The following MECOM variants were observed in gnomAD, a reference collection of about 807,000 sequenced individuals.
The protein encoded by MECOM is MDS1 and EVI1 complex locus.
A neutral mutation model predicts 116.3 loss-of-function variants in MECOM; 13 were observed. The ratio of observed to expected loss-of-function variants is 0.11; its 90% CI spans 0.07 to 0.18. MECOM has a LOEUF of 0.18. MECOM is among the 10% of genes least tolerant of loss of function. The pLI is 1.00. For synonymous variants in MECOM, 528 were observed against 535.2 expected (o/e 0.99, Z 0.19); for missense variants, 1,299 against 1,509.0 (o/e 0.86, Z 2.31).
chr3:169,246,853 A>T (rs751518516), intron 2 of MECOM, among the ~76,000 whole-genome samples: 4 of 152,040 alleles, frequency 2.6e-5, no homozygotes, highest in Non-Finnish European at 4.4e-5. Flanking sequence ...CTCTCCTCTC[A>T]TGTATTTGTT....
chr3:169,261,573 C>A (rs1200968334), intron 2 of MECOM, among the ~76,000 whole-genome samples: 2 of 152,024 alleles, frequency 1.3e-5, no homozygotes, highest in Non-Finnish European at 2.9e-5. Context: ...TGGTGGCGGG[C>A]ACCTGTAATC....
intron 2 of MECOM, among the ~76,000 whole-genome samples, chr3:169,227,901 G>A (rs1752934396): frequency 6.6e-6 from 1 of 152,138 alleles, no homozygotes; most frequent in African/African-American, 2.4e-5. Flanking sequence ...CAAAGGGTGG[G>A]TATGGAGCAG....
At chr3:169,418,546 C>T (rs538382860) in intron 1 of MECOM, among the ~76,000 whole-genome samples, 1 of 152,180 alleles carries the variant, frequency 6.6e-6, no homozygotes, top group Non-Finnish European at 1.5e-5. Context: ...AGCTTATCCA[C>T]TATGATCAAG....
At chr3:169,205,629 G>T (rs1199588605) in intron 2 of MECOM, among the ~76,000 whole-genome samples, 1 of 152,056 alleles carries the variant, frequency 6.6e-6, no homozygotes, top group Non-Finnish European at 1.5e-5. Context: ...CAGGACCAAG[G>T]GTATCAGCGG....
intron 1 of MECOM, among the ~76,000 whole-genome samples, chr3:169,644,360 G>C (rs370337881): frequency 6.6e-6 from 1 of 151,964 alleles, no homozygotes; most frequent in Non-Finnish European, 1.5e-5. Context: ...GGATTCAAGC[G>C]ATTCTCTTTC....
At chr3:169,624,503 C>T (rs1771114610) in intron 1 of MECOM, among the ~76,000 whole-genome samples, 1 of 152,194 alleles carries the variant, frequency 6.6e-6, no homozygotes, top group Admixed American at 6.5e-5. Flanking sequence ...ACAGCAACAC[C>T]ACCAAGTGGG....
rs1776620261 is a variant in MECOM, at chr3:169,663,536, CTCCT to C, written c.-168_-165del. 1.6e-6 allele frequency: 1 copy of C among 608,208 alleles called. No individual in the cohort carries two copies. The highest frequency in any genetic ancestry group is 2.9e-6 in the Non-Finnish European group (1 of 349,810). The allele number at this position is 608,208 out of a possible 1,614,324, so 37.7% of individuals were successfully genotyped here. A position where few individuals can be genotyped will look rare whatever the true frequency, so the allele number is the denominator to read the frequency against. ...TCTCTCTCTCTCTCTCTCTCCCTCC[CTCCT>C]GTTTCTCTCCTGTTTCTCTCTCTCT... On this transcript the variant is annotated 5_prime_UTR_variant, in exon 1 of 17. Transcript: ENST00000651503.
chr3:169,651,063 G>C (rs1774842488), intron 1 of MECOM, among the ~76,000 whole-genome samples: 1 of 152,188 alleles, frequency 6.6e-6, no homozygotes, highest in Non-Finnish European at 1.5e-5. Context: ...AGTGGTGAGA[G>C]TGGGCATCAT....
intron 2 of MECOM, among the ~76,000 whole-genome samples, chr3:169,336,968 T>C (rs1365983132): frequency 6.6e-6 from 1 of 152,178 alleles, no homozygotes; most frequent in Non-Finnish European, 1.5e-5. Context: ...CAATGCAAGA[T>C]ACTCTGCAAG....
chr3:169,154,352 A>C (rs2149332758), intron 2 of MECOM, among the ~76,000 whole-genome samples: 1 of 152,310 alleles, frequency 6.6e-6, no homozygotes, highest in Non-Finnish European at 1.5e-5. Context: ...AATTGGGTCT[A>C]TCTTTTTTGC....
chr3:169,146,125 C>G, intron 2 of MECOM: 2 of 592,534 alleles, frequency 3.4e-6, no homozygotes, highest in Non-Finnish European at 4.5e-6. Context: ...TAAAAGCTGT[C>G]AACCTCCAAA....
At chr3:169,359,558 T>G (rs1186251381) in intron 2 of MECOM, among the ~76,000 whole-genome samples, 1 of 151,780 alleles carries the variant, frequency 6.6e-6, no homozygotes, top group Non-Finnish European at 1.5e-5. Flanking sequence ...ACTCATGATT[T>G]TCATCAAGTG....
intron 2 of MECOM, among the ~76,000 whole-genome samples, chr3:169,297,632 TA>T (rs1258221278): frequency 2.6e-5 from 4 of 151,184 alleles, no homozygotes; most frequent in Non-Finnish European, 5.9e-5. Context: ...TGGTAATTAT[TA>T]AAAAAATATT....
chr3:169,638,549 T>G (rs1773089551), intron 1 of MECOM, among the ~76,000 whole-genome samples: 1 of 152,222 alleles, frequency 6.6e-6, no homozygotes, highest in South Asian at 2.1e-4. Flanking sequence ...TTTACTAGTA[T>G]ATAATTTTCT....
chr3:169,255,549 A>T (rs952206226), intron 2 of MECOM, among the ~76,000 whole-genome samples: 2 of 152,200 alleles, frequency 1.3e-5, no homozygotes, highest in African/African-American at 4.8e-5. Flanking sequence ...AGTTAAAGGC[A>T]TGAAATACTT....
intron 4 of MECOM, among the ~76,000 whole-genome samples, chr3:169,129,962 T>C (rs1297915254): frequency 6.6e-6 from 1 of 152,206 alleles, no homozygotes; most frequent in East Asian, 1.9e-4. Flanking sequence ...AATACATGTG[T>C]TTCATTTTCT....
intron 1 of MECOM, among the ~76,000 whole-genome samples, chr3:169,519,920 G>C (rs144170613): frequency 8.1e-4 from 123 of 152,340 alleles, no homozygotes; most frequent in Middle Eastern, 3.4e-3. Context: ...CTACAACAAA[G>C]AGCACATGGC....
intron 2 of MECOM, among the ~76,000 whole-genome samples, chr3:169,251,188 G>A (rs1346119961): frequency 2.0e-5 from 3 of 152,128 alleles, no homozygotes; most frequent in African/African-American, 4.8e-5. Flanking sequence ...GGGACATTTG[G>A]TAGTTTTTAG....
intron 1 of MECOM, among the ~76,000 whole-genome samples, chr3:169,406,882 C>G (rs1032675882): frequency 4.0e-5 from 6 of 150,682 alleles, no homozygotes; most frequent in African/African-American, 1.5e-4. Flanking sequence ...CACTCTGTCA[C>G]CCAAGCTGGA....
Sources: allele counts gnomAD v4.1 joint callset (sites outside exome capture counted in the v4.1 genomes callset), GRCh38; gene constraint gnomAD v4.1.1; transcripts MANE v1.5; gene names NCBI Gene and HGNC (gene_info 2026-07-23, HGNC 2026-07-21).